Variants in FAM13A observed in about 807,000 individuals in gnomAD.
FAM13A encodes family with sequence similarity 13 member A.
In FAM13A, 76 loss-of-function variants were observed where a neutral mutation model predicts 129.6. The observed-to-expected ratio is 0.59, with a 90% confidence interval of 0.49 to 0.71. The LOEUF is 0.71. Among genes scored for constraint, FAM13A ranks in the 30% least tolerant of loss-of-function variants. FAM13A has a pLI of 0.00. For missense variants in FAM13A, 1,108 were observed against 1,249.3 expected (o/e 0.89, Z 1.70); for synonymous variants, 443 against 449.9 (o/e 0.98, Z 0.20).
intron 4 of FAM13A, among the ~76,000 whole-genome samples, chr4:88,971,852 A>C (rs955367588): frequency 6.6e-6 from 1 of 152,192 alleles, no homozygotes; most frequent in Non-Finnish European, 1.5e-5. Context: ...AAGGAAAAGG[A>C]AACTAGTTGA....
chr4:89,038,391 C>G (rs935439744), intron 1 of FAM13A, among the ~76,000 whole-genome samples: 1 of 152,056 alleles, frequency 6.6e-6, no homozygotes, highest in Non-Finnish European at 1.5e-5. Context: ...TAGAAAGCCA[C>G]CCCATCACCA....
chr4:88,842,889 G>A (rs1250138861), intron 7 of FAM13A, among the ~76,000 whole-genome samples: 1 of 152,184 alleles, frequency 6.6e-6, no homozygotes, highest in Non-Finnish European at 1.5e-5. Context: ...TTGAAGGGCA[G>A]ATTTTTGTGA....
chr4:88,830,587 C>T (rs1409216141), intron 7 of FAM13A, among the ~76,000 whole-genome samples: 3 of 152,114 alleles, frequency 2.0e-5, no homozygotes, highest in Non-Finnish European at 4.4e-5. Flanking sequence ...GAAATTATAT[C>T]ATTGTTTTTC....
intron 5 of FAM13A, among the ~76,000 whole-genome samples, chr4:88,913,394 AC>A (rs1749494987): frequency 7.1e-6 from 1 of 141,658 alleles, no homozygotes. Context: ...GAGGAGGAAG[AC>A]AAAGAAGAAG....
rs570749550 is a variant in FAM13A at position 88,949,872 on chromosome 4, G to C, written c.606-11631C>G. Among the ~76,000 whole-genome samples, 9 of 152,248 alleles carry C rather than the reference G, an allele frequency of 5.9e-5. No homozygotes were observed. The South Asian group carries it at 1.7e-3, about 28-fold the overall frequency. ...CCACTTGTTAATCCAACTCATGAGT[G>C]CTTCTCAAAAGCACTACAGAACATA... On this transcript the variant is annotated intron_variant, in intron 4 of 23. Coordinates refer to ENST00000264344, the MANE Select transcript of FAM13A (RefSeq NM_014883.4).
rs140502017 is a variant in FAM13A at position 88,980,568 on chromosome 4, T to C, written c.605+10405A>G. On this transcript the variant is annotated intron_variant, in intron 4 of 23. Transcript: ENST00000264344. The stretch of plus-strand genomic sequence containing the variant: ...TTCTTTAATATTCCAAAATCATATT[T>C]ATAGAGAATATCAATAACAAATATA... Among the ~76,000 whole-genome samples, 10 of 116,632 alleles carry C rather than the reference T, an allele frequency of 8.6e-5. No homozygotes were observed. The East Asian group carries it at 2.4e-3, about 28-fold the overall frequency. 76.5% of individuals were successfully genotyped at this position (116,632 alleles called of 152,430 possible).
chr4:88,912,977 G>A (rs537662841), intron 5 of FAM13A, among the ~76,000 whole-genome samples: 69 of 151,398 alleles, frequency 4.6e-4, no homozygotes, highest in Non-Finnish European at 8.0e-4. Flanking sequence ...CAAGACAGAA[G>A]AAAGAAGAAA....
chr4:88,855,935 G>C (rs1056006991), intron 6 of FAM13A: 1 of 152,162 alleles, frequency 6.6e-6, no homozygotes, highest in Non-Finnish European at 1.5e-5. Flanking sequence ...GAGGGATTTC[G>C]TTTACTGGAC....
chr4:88,800,886 GT>G (rs982304013), intron 8 of FAM13A, among the ~76,000 whole-genome samples: 1 of 151,894 alleles, frequency 6.6e-6, no homozygotes, highest in African/African-American at 2.4e-5. Context: ...CTAAAACAGG[GT>G]TTTGAATAAA....
At chr4:88,878,064 C>T (rs976800312) in intron 6 of FAM13A, among the ~76,000 whole-genome samples, 9 of 151,852 alleles carry the variant, frequency 5.9e-5, no homozygotes, top group South Asian at 4.2e-4. Flanking sequence ...CCGAGGCGGG[C>T]GGATCACGAG....
chr4:88,932,142 G>A (rs1393093566), intron 5 of FAM13A, among the ~76,000 whole-genome samples: 1 of 152,154 alleles, frequency 6.6e-6, no homozygotes, highest in Non-Finnish European at 1.5e-5. Flanking sequence ...AAAAGCTCAT[G>A]GCACTGATGG....
intron 5 of FAM13A, among the ~76,000 whole-genome samples, chr4:88,921,527 A>G (rs1378594528): frequency 1.3e-5 from 2 of 152,152 alleles, no homozygotes; most frequent in Non-Finnish European, 2.9e-5. Context: ...CACCAGGCCT[A>G]CCATAAAAGA....
At chr4:88,870,432 A>C (rs1741165719) in intron 6 of FAM13A, among the ~76,000 whole-genome samples, 1 of 152,196 alleles carries the variant, frequency 6.6e-6, no homozygotes, top group African/African-American at 2.4e-5. Flanking sequence ...TCCTGCCCTA[A>C]TACTGCAATT....
At chr4:88,818,591 G>A (rs1731241066) in intron 7 of FAM13A, among the ~76,000 whole-genome samples, 1 of 152,128 alleles carries the variant, frequency 6.6e-6, no homozygotes, top group Non-Finnish European at 1.5e-5. Flanking sequence ...TGGGCTCCAT[G>A]GGTAATTAAA....
chr4:88,982,348 C>T (rs1227826614), intron 4 of FAM13A, among the ~76,000 whole-genome samples: 1 of 152,220 alleles, frequency 6.6e-6, no homozygotes, highest in African/African-American at 2.4e-5. Flanking sequence ...GGGCAGAGCC[C>T]ATAAAACCTG....
chr4:88,871,131 C>A (rs1741315931), intron 6 of FAM13A, among the ~76,000 whole-genome samples: 3 of 152,146 alleles, frequency 2.0e-5, no homozygotes, highest in Admixed American at 6.5e-5. Context: ...ACACCAAAAC[C>A]CCATTTACAG....
intron 6 of FAM13A, among the ~76,000 whole-genome samples, chr4:88,888,186 T>C (rs946970439): frequency 6.6e-6 from 1 of 152,366 alleles, no homozygotes; most frequent in Admixed American, 6.5e-5. Flanking sequence ...TTCTTCTTTT[T>C]AAATTTTCTA....
intron 5 of FAM13A, among the ~76,000 whole-genome samples, chr4:88,919,257 C>A (rs144966345): frequency 1.6e-4 from 25 of 152,300 alleles, no homozygotes; most frequent in Admixed American, 7.8e-4. Flanking sequence ...CACAAGTATT[C>A]AGGGTTGCCA....
chr4:88,880,056 A>G (rs1475483718), intron 6 of FAM13A, among the ~76,000 whole-genome samples: 2 of 152,122 alleles, frequency 1.3e-5, no homozygotes, highest in Non-Finnish European at 2.9e-5. Flanking sequence ...ATTCCTCTCT[A>G]ATAAATTAGA....
Sources: gnomAD v4.1 joint callset for allele counts (sites outside exome capture counted in the v4.1 genomes callset) on GRCh38, gnomAD v4.1.1 for gene constraint, MANE v1.5 for transcripts, NCBI Gene and HGNC (gene_info 2026-07-23, HGNC 2026-07-21) for gene names.